The following KCNMA1 variants were observed in gnomAD, a reference collection of about 807,000 sequenced individuals.
KCNMA1 encodes the protein Calcium-activated potassium channel subunit alpha-1.
KCNMA1 carries 29 observed loss-of-function variants against 140.0 expected under a neutral mutation model. The ratio of observed to expected loss-of-function variants is 0.21; its 90% CI spans 0.15 to 0.28. The LOEUF is 0.28. Among genes scored for constraint, KCNMA1 ranks in the 10% least tolerant of loss-of-function variants. KCNMA1 has a pLI of 1.00. For missense variants in KCNMA1, 880 were observed against 1,602.2 expected (o/e 0.55, Z 7.70); for synonymous variants, 612 against 611.9 (o/e 1.00, Z 0.00).
intron 14 of KCNMA1, among the ~76,000 whole-genome samples, chr10:77,044,283 T>C (rs1234205782): frequency 6.6e-6 from 1 of 152,170 alleles, no homozygotes; most frequent in African/African-American, 2.4e-5. Context: ...GTGGTATCTT[T>C]GACTTACTTT....
At chr10:77,390,727 C>T (rs2095791769) in intron 2 of KCNMA1, among the ~76,000 whole-genome samples, 1 of 152,352 alleles carries the variant, frequency 6.6e-6, no homozygotes, top group East Asian at 1.9e-4. Context: ...TATCCCAGTA[C>T]ACTTCCAAAC....
intron 2 of KCNMA1, among the ~76,000 whole-genome samples, chr10:77,398,429 T>C (rs1224357423): frequency 1.3e-5 from 2 of 152,244 alleles, no homozygotes; most frequent in African/African-American, 2.4e-5. Flanking sequence ...TGGTTTTAAT[T>C]TGCATGTCTC....
chr10:77,077,019 T>A (rs749256107), intron 13 of KCNMA1, among the ~76,000 whole-genome samples: 2 of 151,560 alleles, frequency 1.3e-5, no homozygotes, highest in Non-Finnish European at 2.9e-5. Context: ...CTAGGATGAG[T>A]GCAGCAAAAA....
At chr10:77,132,052 A>G (rs1368921950) in intron 5 of KCNMA1, among the ~76,000 whole-genome samples, 1 of 152,140 alleles carries the variant, frequency 6.6e-6, no homozygotes, top group East Asian at 1.9e-4. Context: ...TCCTTCAAGA[A>G]ATGCACATAT....
Position 77,108,353 on chromosome 10 carries a change from C to T in KCNMA1, c.1223+128G>A, listed in dbSNP as rs2097241594. ...CGACTCAGGATGAGAGCAGCAATTT[C>T]GGGCACGTAGCGGGCAAACATTGCC... is the stretch of plus-strand genomic sequence containing the variant. On this transcript the variant is annotated intron_variant, in intron 9 of 27. Coordinates refer to ENST00000286628, the MANE Select transcript of KCNMA1 (RefSeq NM_001161352.2). This position sits in a 1 kb window ranked among gnomAD's most constrained non-coding sequence, Gnocchi z 4.6. 6.3e-6 allele frequency: 10 copies of T among 1,585,288 alleles called. No homozygotes were observed. The African/African-American group carries it at 6.8e-5, about 11-fold the overall frequency.
chr10:77,570,599 A>AGGGGGG (rs1359209465), intron 1 of KCNMA1, among the ~76,000 whole-genome samples: 2 of 43,206 alleles, frequency 4.6e-5, no homozygotes, highest in South Asian at 1.4e-3. Context: ...GGGTAGGGGG[A>AGGGGGG]GGGGGGAGGG....
At chr10:77,506,586 AGAGAGAGAGAGTGT>A (rs1249273159) in intron 1 of KCNMA1, among the ~76,000 whole-genome samples, 41 of 107,604 alleles carry the variant, frequency 3.8e-4, no homozygotes, top group Admixed American at 1.8e-3. Context: ...AGAGAGAGAG[AGAGAGAGAGAGTGT>A]GTGTGTGTGT....
intron 19 of KCNMA1, among the ~76,000 whole-genome samples, chr10:76,990,727 G>A (rs961626567): frequency 2.6e-5 from 4 of 152,166 alleles, no homozygotes; most frequent in Non-Finnish European, 4.4e-5. Flanking sequence ...TGCTGGATAT[G>A]TTCTCTCAGT....
At chr10:77,463,190 C>T (rs970221725) in intron 1 of KCNMA1, among the ~76,000 whole-genome samples, 2 of 152,116 alleles carry the variant, frequency 1.3e-5, no homozygotes, top group African/African-American at 4.8e-5. Flanking sequence ...CACTATCTTG[C>T]AAAACTGGCT....
intron 23 of KCNMA1, among the ~76,000 whole-genome samples, chr10:76,932,404 A>T (rs1421625850): frequency 6.6e-6 from 1 of 152,176 alleles, no homozygotes; most frequent in Non-Finnish European, 1.5e-5. Context: ...GAAAATTGAG[A>T]TAAAAAGAGG....
intron 16 of KCNMA1, among the ~76,000 whole-genome samples, chr10:77,025,963 A>G (rs2093410104): frequency 6.8e-6 from 1 of 147,148 alleles, no homozygotes; most frequent in African/African-American, 2.5e-5. Flanking sequence ...ACAAAGCCAA[A>G]CAAGTCCTTT....
rs202019117 is a variant in KCNMA1, at chr10:76,887,377, G to A, written c.3600C>T (p.Ser1200=). 1.2e-6 allele frequency: 2 copies of A among 1,614,130 alleles called. No individual in the cohort carries two copies. The highest frequency in any genetic ancestry group is 2.2e-5 in the East Asian group (1 of 44,858). Residue 1200 remains serine (S), a synonymous_variant, in exon 28 of 28, where the codon AGC becomes AGT. Coordinates refer to ENST00000286628, the MANE Select transcript of KCNMA1 (RefSeq NM_001161352.2). ...TGGAGTGAACAGAGGAGCTCTTCTT[G>A]CTGGAGGACTGCGACGAGTGGGAGG... is the stretch of plus-strand genomic sequence containing the variant. ...SHSSHSSQSS[S]KKSSSVHSIP... is the part of the protein sequence containing the mutation.
intron 5 of KCNMA1, among the ~76,000 whole-genome samples, chr10:77,146,384 A>C (rs1200234455): frequency 6.6e-6 from 1 of 152,054 alleles, no homozygotes; most frequent in African/African-American, 2.4e-5. Context: ...TGAAACCTGA[A>C]TGTCTATGAC....
intron 14 of KCNMA1, among the ~76,000 whole-genome samples, chr10:77,069,251 G>A (rs1223853377): frequency 6.6e-6 from 1 of 152,122 alleles, no homozygotes; most frequent in Non-Finnish European, 1.5e-5. Flanking sequence ...ATGTTCCAGG[G>A]CTGGCTGATG....
At chr10:77,473,260 C>G (rs916783609) in intron 1 of KCNMA1, among the ~76,000 whole-genome samples, 1 of 152,214 alleles carries the variant, frequency 6.6e-6, no homozygotes, top group African/African-American at 2.4e-5. Flanking sequence ...TTACAGCTAT[C>G]CCCAGGAGGC....
chr10:77,395,717 T>C (rs1229052068), intron 2 of KCNMA1, among the ~76,000 whole-genome samples: 3 of 152,222 alleles, frequency 2.0e-5, no homozygotes, highest in African/African-American at 7.2e-5. Context: ...CTATGGAACC[T>C]AATTAAAGCC....
At chr10:77,429,886 CA>C (rs2097114486) in intron 1 of KCNMA1, among the ~76,000 whole-genome samples, 2 of 152,106 alleles carry the variant, frequency 1.3e-5, no homozygotes, top group Admixed American at 1.3e-4. Flanking sequence ...AGTCAGGGTT[CA>C]AAATCCTACT....
At chr10:76,997,842 G>T (rs1176219936) in intron 19 of KCNMA1, among the ~76,000 whole-genome samples, 1 of 152,162 alleles carries the variant, frequency 6.6e-6, no homozygotes, top group Admixed American at 6.5e-5. Flanking sequence ...AGGACCATCT[G>T]AAGTGGAAAC....
At chr10:77,043,416 A>G (rs575143061) in intron 14 of KCNMA1, among the ~76,000 whole-genome samples, 1 of 152,382 alleles carries the variant, frequency 6.6e-6, no homozygotes, top group East Asian at 1.9e-4. Context: ...TGGCACAGCC[A>G]CTGTGGAAAA....
Sources: gnomAD v4.1 joint callset for allele counts (sites outside exome capture counted in the v4.1 genomes callset) on GRCh38, gnomAD v4.1.1 for gene constraint, Gnocchi (gnomAD v3.1) non-coding constraint, MANE v1.5 for transcripts, NCBI Gene and HGNC (gene_info 2026-07-23, HGNC 2026-07-21) for gene names.